The following CEP128 variants were observed in gnomAD, a reference collection of about 807,000 sequenced individuals.
The protein encoded by CEP128 is centrosomal protein 128, also known as centrosomal protein 128kDa.
A neutral mutation model predicts 156.7 loss-of-function variants in CEP128; 132 were observed. The observed-to-expected ratio is 0.84, with a 90% CI of 0.73 to 0.97. The LOEUF (loss-of-function observed/expected upper bound fraction) is 0.97, where lower values mean the gene tolerates loss of function less well. CEP128 is among the 50% of genes least tolerant of loss of function. The pLI is 0.00. For synonymous variants in CEP128, 469 were observed against 448.9 expected (o/e 1.04, Z -0.57); for missense variants, 1,252 against 1,281.9 (o/e 0.98, Z 0.36).
chr14:80,935,440 A>G (rs947649340), intron 2 of CEP128, among the ~76,000 whole-genome samples: 9 of 151,954 alleles, frequency 5.9e-5, no homozygotes, highest in African/African-American at 2.2e-4. Flanking sequence ...AATCCCTGCT[A>G]TTTGAGAGGC....
chr14:80,860,658 T>C (rs923170890), intron 9 of CEP128, among the ~76,000 whole-genome samples: 3 of 152,052 alleles, frequency 2.0e-5, no homozygotes, highest in African/African-American at 7.2e-5. Flanking sequence ...TGTATCTAAT[T>C]ATTCAACAAC....
In CEP128 at chr14:80,761,397, C is replaced by T. The variant is rs370527843; in HGVS notation, c.2553+40G>A. 2.1e-5 allele frequency: 30 copies of T among 1,400,442 alleles called. No individual in the cohort carries two copies. In the African/African-American group the frequency reaches 4.3e-4, roughly 20 times the overall value. The allele number at this position is 1,400,442 out of a possible 1,614,324, so 86.8% of individuals were successfully genotyped here. ...CCTATTACAATTATATATTAGGAAA[C>T]TAACTGAAAATATAAGGTGCAATGA... is the stretch of plus-strand genomic sequence containing the variant. On this transcript the variant is annotated intron_variant, in intron 17 of 24. Transcript: ENST00000555265.
intron 19 of CEP128, among the ~76,000 whole-genome samples, chr14:80,694,441 A>G (rs1896819861): frequency 6.6e-6 from 1 of 152,194 alleles, no homozygotes; most frequent in African/African-American, 2.4e-5. Context: ...CTATAAAGAC[A>G]CATGAACATA....
intron 19 of CEP128, among the ~76,000 whole-genome samples, chr14:80,644,901 T>C (rs897588910): frequency 1.3e-5 from 2 of 152,146 alleles, no homozygotes; most frequent in African/African-American, 4.8e-5. Flanking sequence ...AAATTACTAA[T>C]TTGCATTTTC....
intron 13 of CEP128, chr14:80,830,055 T>C (rs1030863377): frequency 5.0e-6 from 2 of 397,680 alleles, no homozygotes; most frequent in African/African-American, 4.1e-5. Context: ...TTTAAATACG[T>C]GACTTCAGCA....
At chr14:80,913,792 A>G (rs1884388861) in intron 4 of CEP128, among the ~76,000 whole-genome samples, 1 of 152,110 alleles carries the variant, frequency 6.6e-6, no homozygotes, top group African/African-American at 2.4e-5. Context: ...GAGCAGGGTA[A>G]AAGATGAAAA....
At chr14:80,568,434 C>T (rs539144310) in intron 20 of CEP128, among the ~76,000 whole-genome samples, 1 of 152,282 alleles carries the variant, frequency 6.6e-6, no homozygotes, top group Admixed American at 6.5e-5. Context: ...TCATAATTTA[C>T]ATGCAGAGTC....
intron 21 of CEP128, among the ~76,000 whole-genome samples, chr14:80,550,228 A>AT (rs963604758): frequency 6.6e-6 from 1 of 152,186 alleles, no homozygotes; most frequent in Admixed American, 6.5e-5. Flanking sequence ...GGGAGATAAG[A>AT]TTTTTTAAGT....
chr14:80,695,334 T>C (rs908742687), intron 19 of CEP128, among the ~76,000 whole-genome samples: 9 of 152,156 alleles, frequency 5.9e-5, no homozygotes, highest in African/African-American at 2.2e-4. Flanking sequence ...TAGGTATACA[T>C]TGAGTTTTGA....
chr14:80,648,290 T>A (rs1338933769), intron 19 of CEP128, among the ~76,000 whole-genome samples: 1 of 152,072 alleles, frequency 6.6e-6, no homozygotes, highest in Admixed American at 6.6e-5. Context: ...TTTCCTCAAT[T>A]CAGTTTCACC....
At chr14:80,693,358 C>A (rs997255047) in intron 19 of CEP128, among the ~76,000 whole-genome samples, 2 of 152,236 alleles carry the variant, frequency 1.3e-5, no homozygotes, top group Admixed American at 6.5e-5. Flanking sequence ...TGCAGTAGTT[C>A]TGAGAGAACA....
chr14:80,756,944 GA>G lies in CEP128; in HGVS notation c.2560del (p.Ser854HisfsTer14). The G allele has an allele frequency of 6.3e-7, 1 of 1,591,854 alleles. No individual in the cohort carries two copies. The highest frequency in any genetic ancestry group is 8.6e-7 in the Non-Finnish European group (1 of 1,163,650). On this transcript the variant is annotated frameshift_variant, in exon 18 of 25. Coordinates refer to ENST00000555265, the MANE Select transcript of CEP128 (RefSeq NM_152446.5). LOFTEE classifies it high-confidence loss of function. Reference protein sequence around the residue: ...KDSVEKLKVFSSGPDIHYDPH... With the variant: ...KDSVEKLKVFXSGPDIHYDPH... ...GTCATAATGTATATCAGGACCAGAT[GA>G]AAAAACCTACAAAAGAGAAAACAGT...
At chr14:80,507,990 C>T (rs1204437015) in intron 23 of CEP128, among the ~76,000 whole-genome samples, 4 of 152,254 alleles carry the variant, frequency 2.6e-5, no homozygotes, top group African/African-American at 7.2e-5. Flanking sequence ...TCTTGGCTCA[C>T]TGCAACCTCT....
At chr14:80,588,585 A>G (rs1891917138) in intron 19 of CEP128, among the ~76,000 whole-genome samples, 1 of 152,114 alleles carries the variant, frequency 6.6e-6, no homozygotes, top group South Asian at 2.1e-4. Context: ...TTCAGTTTTA[A>G]ACTTGATTGG....
intron 19 of CEP128, among the ~76,000 whole-genome samples, chr14:80,622,645 G>A (rs1170580301): frequency 5.6e-4 from 84 of 149,938 alleles, no homozygotes; most frequent in South Asian, 1.7e-3. Flanking sequence ...AAAAGTGGGC[G>A]AAGGACATGA....
At chr14:80,781,142 A>G (rs1003056691) in intron 15 of CEP128, among the ~76,000 whole-genome samples, 2 of 152,222 alleles carry the variant, frequency 1.3e-5, no homozygotes, top group African/African-American at 2.4e-5. Context: ...CTATATTTGT[A>G]TGAGGAATGT....
intron 14 of CEP128, among the ~76,000 whole-genome samples, chr14:80,481,339 C>T (rs1887049261): frequency 6.6e-6 from 1 of 152,166 alleles, no homozygotes; most frequent in African/African-American, 2.4e-5. Flanking sequence ...AAGGCTTATT[C>T]GCTATCAGAA....
chr14:80,612,881 G>A (rs908929473), intron 19 of CEP128, among the ~76,000 whole-genome samples: 4 of 151,544 alleles, frequency 2.6e-5, no homozygotes, highest in South Asian at 2.1e-4. Context: ...TCGCTCTGTC[G>A]CCAGGCTGGA....
Position 80,505,017 on chromosome 14 carries a change from C to A in CEP128, c.3076G>T (p.Asp1026Tyr). The A allele has an allele frequency of 6.4e-7, 1 of 1,570,492 alleles. No individual in the cohort carries two copies. Among genetic ancestry groups the A allele is most frequent in the South Asian group, 1.2e-5 (1 of 85,264 alleles). Residue 1026 changes from aspartate (D) to tyrosine (Y), a missense_variant, in exon 24 of 25, where the codon GAC becomes TAC. Asp to Tyr is a radical substitution (Grantham distance 160, BLOSUM62 -3). Transcript: ENST00000555265. ...TKYRTKSFKG[D>Y]RTFLEGSHTR... ...TGGGAACCTTCCAGAAAGGTTCTGTCACCCTAAGGAAAAAAAGGCACAGCA... is the reference window on the plus strand; with the variant it reads ...TGGGAACCTTCCAGAAAGGTTCTGTAACCCTAAGGAAAAAAAGGCACAGCA...
Sources: gnomAD v4.1 joint callset for allele counts (sites outside exome capture counted in the v4.1 genomes callset) on GRCh38, gnomAD v4.1.1 for gene constraint, MANE v1.5 for transcripts, NCBI Gene and HGNC (gene_info 2026-07-23, HGNC 2026-07-21) for gene names.